Variants in SMARCA2 observed in about 807,000 individuals in gnomAD.
SMARCA2 encodes SWI/SNF-related matrix-associated actin-dependent regulator of chromatin subfamily A member 2.
A neutral mutation model predicts 199.8 loss-of-function variants in SMARCA2; 61 were observed. The ratio of observed to expected loss-of-function variants is 0.31; its 90% CI spans 0.25 to 0.38. The LOEUF (loss-of-function observed/expected upper bound fraction) is 0.38, where lower values mean the gene tolerates loss of function less well. Ranked by LOEUF, SMARCA2 falls within the 10% of genes least tolerant of loss-of-function variation. The pLI is 1.00. For missense variants in SMARCA2, 1,344 were observed against 2,012.2 expected, an observed-to-expected ratio of 0.67 and a Z score of 6.35; for synonymous variants, 935 against 732.0, an observed-to-expected ratio of 1.28 and a Z score of -4.48.
At position 2,025,825 on chromosome 9, in the gene SMARCA2, T is replaced by A. The variant is rs149528280; in HGVS notation, c.-36-3162T>A. ...TGCCACCCGAAATGTAGAGGAAGAATAAGAGGCCAGGATTATAGGCCTCAT... is the reference window on the plus strand; with the variant it reads ...TGCCACCCGAAATGTAGAGGAAGAAAAAGAGGCCAGGATTATAGGCCTCAT... On this transcript the variant is annotated intron_variant, in intron 1 of 33. Coordinates refer to ENST00000349721, the MANE Select transcript of SMARCA2 (RefSeq NM_003070.5). Among the ~76,000 whole-genome samples, 701 of 152,304 alleles carry A rather than the reference T, an allele frequency of 4.6e-3. 3 individuals are homozygous for A. Among genetic ancestry groups the A allele is most frequent in the Non-Finnish European group, 6.7e-3 (454 of 68,022 alleles).
At chr9:2,174,175 T>C (rs1826408330) in intron 29 of SMARCA2, among the ~76,000 whole-genome samples, 1 of 152,142 alleles carries the variant, frequency 6.6e-6, no homozygotes, top group Non-Finnish European at 1.5e-5. Flanking sequence ...CGAGGGTCTC[T>C]GCCTCTCAAG....
intron 9 of SMARCA2, among the ~76,000 whole-genome samples, chr9:2,064,587 TCAC>T (rs1377821205): frequency 6.6e-6 from 1 of 152,230 alleles, no homozygotes; most frequent in East Asian, 1.9e-4. Flanking sequence ...TAATAATTGG[TCAC>T]CACTTTTTTT....
intron 27 of SMARCA2, among the ~76,000 whole-genome samples, chr9:2,144,531 T>C (rs1824626110): frequency 6.6e-6 from 1 of 152,176 alleles, no homozygotes; most frequent in Non-Finnish European, 1.5e-5. Context: ...AGGATCCCCA[T>C]GGCAGATTTT....
intron 9 of SMARCA2, among the ~76,000 whole-genome samples, chr9:2,064,999 AT>A (rs1314270415): frequency 1.3e-5 from 2 of 152,208 alleles, no homozygotes; most frequent in Admixed American, 6.5e-5. Flanking sequence ...CCTGGCTAAC[AT>A]GTTGAAACCC....
chr9:2,111,416 T>C (rs1043342964), intron 24 of SMARCA2, among the ~76,000 whole-genome samples: 1 of 143,524 alleles, frequency 7.0e-6, no homozygotes, highest in African/African-American at 2.6e-5. Context: ...TGTTTGAGTC[T>C]GGGAGGCAGA....
At chr9:2,037,007 G>A (rs1401736657) in intron 3 of SMARCA2, among the ~76,000 whole-genome samples, 1 of 152,132 alleles carries the variant, frequency 6.6e-6, no homozygotes, top group African/African-American at 2.4e-5. Flanking sequence ...CCGGAAATCA[G>A]GAAACATATG....
chr9:2,017,592 C>G lies in SMARCA2; in HGVS notation c.-37+2188C>G, dbSNP rs1361641444. 6.6e-6 allele frequency: 1 copy of G among 152,174 alleles called. No homozygotes were observed. Among genetic ancestry groups the G allele is most frequent in the Non-Finnish European group, 1.5e-5 (1 of 68,086 alleles). 9.4% of individuals were successfully genotyped at this position (152,174 alleles called of 1,614,324 possible). ...CGCGAGCGGCGGAGAATCAGGAAGT[C>G]ACAGCAGCGAAGCGCACACAGCACA... On this transcript the variant is annotated intron_variant, in intron 1 of 33. Coordinates refer to ENST00000349721, the MANE Select transcript of SMARCA2 (RefSeq NM_003070.5). The surrounding 1 kb of genome is among the most constrained non-coding windows in gnomAD (Gnocchi z 8.8).
At chr9:2,103,157 C>G (rs1220618084) in intron 22 of SMARCA2, among the ~76,000 whole-genome samples, 1 of 152,104 alleles carries the variant, frequency 6.6e-6, no homozygotes, top group East Asian at 1.9e-4. Context: ...CTCTGACACT[C>G]TAAACCAGTG....
chr9:2,181,064 G>T (rs1402942192), intron 29 of SMARCA2, among the ~76,000 whole-genome samples: 1 of 152,084 alleles, frequency 6.6e-6, no homozygotes, highest in Non-Finnish European at 1.5e-5. Context: ...CAGTAGGTAC[G>T]TACGAAGGCT....
At chr9:2,030,445 G>A (rs564759955) in intron 2 of SMARCA2, among the ~76,000 whole-genome samples, 8 of 151,942 alleles carry the variant, frequency 5.3e-5, no homozygotes, top group Admixed American at 2.6e-4. Context: ...TGAGTCCAAA[G>A]AGCCAGAAGA....
intron 9 of SMARCA2, among the ~76,000 whole-genome samples, chr9:2,065,920 G>T (rs375471975): frequency 4.3e-4 from 66 of 152,318 alleles, no homozygotes; most frequent in Non-Finnish European, 5.6e-4. Context: ...GAAAAGTCCT[G>T]TTTAACTGGA....
chr9:2,147,671 C>A (rs181010775), intron 27 of SMARCA2, among the ~76,000 whole-genome samples: 1 of 152,038 alleles, frequency 6.6e-6, no homozygotes, highest in South Asian at 2.1e-4. Context: ...CACGGCAAAA[C>A]CCTGTCTCTA....
intron 9 of SMARCA2, among the ~76,000 whole-genome samples, chr9:2,063,966 G>A (rs539365518): frequency 2.6e-4 from 39 of 152,314 alleles, no homozygotes; most frequent in African/African-American, 8.7e-4. Context: ...TGAAATGGAA[G>A]AAGAAGAAGT....
chr9:2,090,709 T>G (rs1822016832), intron 19 of SMARCA2, among the ~76,000 whole-genome samples: 1 of 152,328 alleles, frequency 6.6e-6, no homozygotes, highest in East Asian at 1.9e-4. Context: ...TTGAAGCTCT[T>G]TCTCGCTGTT....
intron 20 of SMARCA2, 32 bp from the exon 21 acceptor site, chr9:2,097,353 A>C: frequency 7.5e-7 from 1 of 1,334,508 alleles, no homozygotes; most frequent in Non-Finnish European, 1.1e-6. Flanking sequence ...GTTAATAATT[A>C]ATTCTATTTT....
intron 1 of SMARCA2, among the ~76,000 whole-genome samples, chr9:2,020,784 A>C (rs1818567608): frequency 6.6e-6 from 1 of 152,224 alleles, no homozygotes; most frequent in South Asian, 2.1e-4. Flanking sequence ...AAAAACATAC[A>C]ATAGAGCCAA....
At chr9:2,185,597 A>C (rs1024068545) in intron 31 of SMARCA2, among the ~76,000 whole-genome samples, 1 of 152,186 alleles carries the variant, frequency 6.6e-6, no homozygotes, top group South Asian at 2.1e-4. Context: ...TTTTGAACTT[A>C]TATCTTTCAG....
intron 28 of SMARCA2, among the ~76,000 whole-genome samples, chr9:2,164,541 G>A (rs2129663298): frequency 6.6e-6 from 1 of 152,274 alleles, no homozygotes; most frequent in South Asian, 2.1e-4. Context: ...TCTTTGAACA[G>A]TTTCATTATT....
chr9:2,032,930 T>A, intron 2 of SMARCA2, 22 bp from the exon 3 acceptor site: 1 of 1,610,358 alleles, frequency 6.2e-7, no homozygotes, highest in Non-Finnish European at 8.5e-7. Flanking sequence ...GGTGTCTAAC[T>A]AATGTCCTTT....
Sources: allele counts gnomAD v4.1 joint callset (sites outside exome capture counted in the v4.1 genomes callset), GRCh38; gene constraint gnomAD v4.1.1; non-coding constraint Gnocchi (gnomAD v3.1); transcripts MANE v1.5; gene names NCBI Gene and HGNC (gene_info 2026-07-23, HGNC 2026-07-21).